D2HGDH: variants seen among roughly 807,000 people sequenced by gnomAD.
D2HGDH encodes the protein D-2-hydroxyglutarate dehydrogenase, also known as D-2-hydroxyglutarate dehydrogenase, mitochondrial.
Under a neutral mutation model 46.9 loss-of-function variants are expected in D2HGDH, and 31 were observed. The observed-to-expected ratio is 0.66, with a 90% CI of 0.50 to 0.89. The LOEUF is 0.89. D2HGDH is among the 40% of genes least tolerant of loss of function. The probability of loss-of-function intolerance (pLI) is 0.00; values close to 1 mark genes in which losing one functional copy is unlikely to be tolerated. For missense variants in D2HGDH, 698 were observed against 720.8 expected (o/e 0.97, Z 0.36); for synonymous variants, 364 against 332.6 (o/e 1.09, Z -1.03).
intron 2 of D2HGDH, 89 bp downstream of exon 2, chr2:241,735,605 C>T (rs1692555842): frequency 2.6e-6 from 4 of 1,550,460 alleles, no homozygotes; most frequent in Admixed American, 1.9e-5. Flanking sequence ...TGAGAACAAC[C>T]TGGATGGGGG....
At chr2:241,762,532 T>C (rs1698923325) in intron 9 of D2HGDH, among the ~76,000 whole-genome samples, 1 of 152,228 alleles carries the variant, frequency 6.6e-6, no homozygotes, top group Non-Finnish European at 1.5e-5. Context: ...GGGGTCTTGC[T>C]GGCTTTAGAA....
chr2:241,745,447 CAG>C (rs1489888036), intron 6 of D2HGDH, among the ~76,000 whole-genome samples: 2 of 152,168 alleles, frequency 1.3e-5, no homozygotes, highest in Non-Finnish European at 2.9e-5. Context: ...CTCAGGAGTT[CAG>C]AAGTCGCACA....
chr2:241,749,354 T>G (rs1012994412), intron 6 of D2HGDH: 2 of 1,287,430 alleles, frequency 1.6e-6, no homozygotes, highest in Admixed American at 4.6e-5. Flanking sequence ...AATTCTTCTC[T>G]GATATCCACA....
chr2:241,755,091 A>G (rs1697945493), intron 8 of D2HGDH: 1 of 1,303,944 alleles, frequency 7.7e-7, no homozygotes. Context: ...CGCAAACCAC[A>G]GGCCGATCTG....
Position 241,755,950 on chromosome 2 carries a change from C to T in D2HGDH, c.1242C>T (p.Ile414=), listed in dbSNP as rs758849873. 2.5e-5 allele frequency: 40 copies of T among 1,608,918 alleles called. No individual in the cohort carries two copies. The highest frequency in any genetic ancestry group is 2.3e-4 in the African/African-American group (17 of 74,848). ...LSLPVERLYD[I]VTDLRARLGP... ...TCCCTGTGGAGCGGCTCTACGACAT[C>T]GTGACTGACCTGCGCGCCCGCCTCG... is the stretch of plus-strand genomic sequence containing the variant. Residue 414 remains isoleucine (I), a synonymous_variant, in exon 9 of 10, where the codon ATC becomes ATT. Coordinates refer to ENST00000321264, the MANE Select transcript of D2HGDH (RefSeq NM_152783.5).
intron 9 of D2HGDH, among the ~76,000 whole-genome samples, chr2:241,760,591 C>T (rs1026941039): frequency 2.6e-5 from 4 of 151,746 alleles, no homozygotes; most frequent in Admixed American, 6.6e-5. Flanking sequence ...AGTCGAAGTC[C>T]TTCGCCACAG....
chr2:241,768,646 A>G lies in D2HGDH; in HGVS notation c.*677A>G, dbSNP rs1271258334. ...TCTGAGTTTCGGGTTCTGCTCCTAC[A>G]AAGAACGTGCGGTGCTGCGGGCGAG... On this transcript the variant is annotated 3_prime_UTR_variant, in exon 10 of 10. Transcript: ENST00000321264. 1 of 152,248 alleles carries G rather than the reference A, an allele frequency of 6.6e-6. No homozygotes were observed. The highest frequency in any genetic ancestry group is 1.5e-5 in the Non-Finnish European group (1 of 68,150). The allele number at this position is 152,248 out of a possible 1,614,324, so 9.4% of individuals were successfully genotyped here. A position where few individuals can be genotyped will look rare whatever the true frequency, so the allele number is the denominator to read the frequency against.
intron 8 of D2HGDH, among the ~76,000 whole-genome samples, chr2:241,753,425 C>T (rs553986480): frequency 1.3e-5 from 2 of 151,712 alleles, no homozygotes; most frequent in Non-Finnish European, 2.9e-5. Context: ...CCAGCATTGG[C>T]GAGGCTCTGG....
chr2:241,739,052 C>T (rs958994582), intron 2 of D2HGDH, among the ~76,000 whole-genome samples: 17 of 152,220 alleles, frequency 1.1e-4, no homozygotes, highest in Admixed American at 4.6e-4. Flanking sequence ...GTGGGAGCTT[C>T]GCGGTGTGAA....
Position 241,742,744 on chromosome 2 carries a change from C to G in D2HGDH, c.490+170C>G, listed in dbSNP as rs370105810. ...GGCCGCCTAGCCCCACCTCGCCCGG[C>G]CCCTCCAGACATGCGTGCTGGTGAG... On this transcript the variant is annotated intron_variant, in intron 4 of 9. Transcript: ENST00000321264. The surrounding 1 kb of genome is among the most constrained non-coding windows in gnomAD (Gnocchi z 4.8). Among the ~76,000 whole-genome samples, 2 of 152,222 alleles carry G rather than the reference C, an allele frequency of 1.3e-5. No homozygotes were observed. Among genetic ancestry groups the G allele is most frequent in the East Asian group, 3.8e-4 (2 of 5,206 alleles).
At chr2:241,764,063 TG>T (rs1699064616) in intron 9 of D2HGDH, among the ~76,000 whole-genome samples, 1 of 152,134 alleles carries the variant, frequency 6.6e-6, no homozygotes, top group Non-Finnish European at 1.5e-5. Context: ...CAAAACCAAA[TG>T]AACATATTCT....
At chr2:241,739,609 A>G (rs996026795) in intron 2 of D2HGDH, among the ~76,000 whole-genome samples, 2 of 152,238 alleles carry the variant, frequency 1.3e-5, no homozygotes, top group Non-Finnish European at 2.9e-5. Flanking sequence ...CACCTGGGAA[A>G]GTCGTCTCAA....
intron 6 of D2HGDH, among the ~76,000 whole-genome samples, chr2:241,746,286 C>A (rs988449623): frequency 6.6e-6 from 1 of 152,114 alleles, no homozygotes; most frequent in African/African-American, 2.4e-5. Context: ...TTCCAGTTCA[C>A]GAATGCCCTC....
intron 2 of D2HGDH, among the ~76,000 whole-genome samples, chr2:241,739,053 G>A (rs975007141): frequency 5.9e-5 from 9 of 152,220 alleles, no homozygotes; most frequent in African/African-American, 1.4e-4. Flanking sequence ...TGGGAGCTTC[G>A]CGGTGTGAAA....
chr2:241,741,014 GATC>G lies in D2HGDH; in HGVS notation c.293-18_293-16del. 1 of 1,612,094 alleles carries G rather than the reference GATC, an allele frequency of 6.2e-7. No homozygotes were observed. The highest frequency in any genetic ancestry group is 8.5e-7 in the Non-Finnish European group (1 of 1,178,462). ...CAGCTCCCCCCACGCTGTCTCATAGGATCTTCTTCCTGTCACAGGCTGTAGCAA... is the reference window on the plus strand; with the variant it reads ...CAGCTCCCCCCACGCTGTCTCATAGGTTCTTCCTGTCACAGGCTGTAGCAA... On this transcript the variant is annotated splice_polypyrimidine_tract_variant and intron_variant, in intron 2 of 9. Coordinates refer to ENST00000321264, the MANE Select transcript of D2HGDH (RefSeq NM_152783.5).
At chr2:241,749,508 A>G in intron 6 of D2HGDH, 3 of 673,952 alleles carry the variant, frequency 4.5e-6, no homozygotes, top group Non-Finnish European at 6.3e-6. Context: ...TCCCCAGGGC[A>G]GCGGCCTCAC....
rs565139551 is a variant in D2HGDH, at chr2:241,768,320, G to A, written c.*351G>A. 1.5e-5 allele frequency: 4 copies of A among 274,876 alleles called. No individual in the cohort carries two copies. Among genetic ancestry groups the A allele is most frequent in the Non-Finnish European group, 2.1e-5 (3 of 143,926 alleles). The allele number at this position is 274,876 out of a possible 1,614,324, so 17.0% of individuals were successfully genotyped here. A position where few individuals can be genotyped will look rare whatever the true frequency, so the allele number is the denominator to read the frequency against. ...GCCTGCTGCGGCCTGGGGAGCAGGC[G>A]CTGGGTGGTGGTTCTGCCTGCTTGC... On this transcript the variant is annotated 3_prime_UTR_variant, in exon 10 of 10. Transcript: ENST00000321264.
intron 8 of D2HGDH, among the ~76,000 whole-genome samples, chr2:241,752,056 T>G (rs4423633): frequency 0.16 from 21,930 of 132,976 alleles, 3,039 homozygotes; most frequent in African/African-American, 0.32. Context: ...CTCAGTTACC[T>G]TCACCGGGGC....
chr2:241,746,332 T>C (rs953054432), intron 6 of D2HGDH, among the ~76,000 whole-genome samples: 1 of 152,214 alleles, frequency 6.6e-6, no homozygotes, highest in Non-Finnish European at 1.5e-5. Context: ...AACCCCTCCA[T>C]GAGTGGTTCC....
Sources: gnomAD v4.1 joint callset for allele counts (sites outside exome capture counted in the v4.1 genomes callset) on GRCh38, gnomAD v4.1.1 for gene constraint, Gnocchi (gnomAD v3.1) non-coding constraint, MANE v1.5 for transcripts, NCBI Gene and HGNC (gene_info 2026-07-23, HGNC 2026-07-21) for gene names.